NR2C2: variants seen among roughly 807,000 people sequenced by gnomAD.
NR2C2 encodes the protein Nuclear hormone receptor TR4.
NR2C2 carries 6 observed loss-of-function variants against 62.9 expected under a neutral mutation model. The ratio of observed to expected loss-of-function variants is 0.10; its 90% CI spans 0.05 to 0.19. NR2C2 has a LOEUF of 0.19. Among genes scored for constraint, NR2C2 ranks in the 10% least tolerant of loss-of-function variants. The probability of loss-of-function intolerance (pLI) is 1.00; values close to 1 mark genes in which losing one functional copy is unlikely to be tolerated. For synonymous variants in NR2C2, 272 were observed against 273.8 expected, an observed-to-expected ratio of 0.99 and a Z score of 0.07; for missense variants, 479 against 762.7, an observed-to-expected ratio of 0.63 and a Z score of 4.38.
Position 14,963,736 on chromosome 3 carries a change from G to A in NR2C2, c.-40+15830G>A, listed in dbSNP as rs2840081. 8.9e-4 allele frequency among the ~76,000 whole-genome samples: 136 copies of A among 152,090 alleles called. 2 individuals carry two copies. The highest frequency in any genetic ancestry group is 3.1e-3 in the African/African-American group (130 of 41,462). On this transcript the variant is annotated intron_variant, in intron 1 of 13. Coordinates refer to ENST00000425241, the MANE Select transcript of NR2C2 (RefSeq NM_001291694.2). ...CCGCCTGCCTCTGCCTCCCAAAGTC[G>A]CATTTTTTAATAATGCTCATATATC... is the stretch of plus-strand genomic sequence containing the variant.
At position 15,024,031 on chromosome 3, in the gene NR2C2, T is replaced by C. The variant is rs2041752075; in HGVS notation, c.705-84T>C. The C allele has an allele frequency of 2.5e-5, 24 of 964,610 alleles. 1 individual carries two copies. In the South Asian group the frequency reaches 3.2e-4, roughly 13 times the overall value. The allele number at this position is 964,610 out of a possible 1,614,324, so 59.8% of individuals were successfully genotyped here. On this transcript the variant is annotated intron_variant, in intron 6 of 13. Transcript: ENST00000425241. ...TCTACTATTCAGACAGCTTCACAAATGTGGAAGGACAGGTAAATGCAGCAT... is the reference window on the plus strand; with the variant it reads ...TCTACTATTCAGACAGCTTCACAAACGTGGAAGGACAGGTAAATGCAGCAT...
chr3:15,024,319 A>G, intron 7 of NR2C2, 111 bp downstream of exon 7: 1 of 695,728 alleles, frequency 1.4e-6, no homozygotes, highest in Non-Finnish European at 2.5e-6. Context: ...CATCAAAAGC[A>G]TGACCTATGT....
chr3:14,972,894 T>G (rs978414801), intron 1 of NR2C2, among the ~76,000 whole-genome samples: 4 of 152,124 alleles, frequency 2.6e-5, no homozygotes, highest in African/African-American at 9.7e-5. Flanking sequence ...CTCACTATCA[T>G]GAGAACAGCA....
intron 1 of NR2C2, among the ~76,000 whole-genome samples, chr3:14,967,239 T>A (rs1259079302): frequency 1.3e-5 from 2 of 152,070 alleles, no homozygotes; most frequent in Non-Finnish European, 2.9e-5. Flanking sequence ...AATTTGAGTC[T>A]GCCCTCTTCT....
intron 8 of NR2C2, 94 bp downstream of exon 8, chr3:15,028,813 A>G (rs2041892791): frequency 1.5e-5 from 20 of 1,328,674 alleles, no homozygotes; most frequent in African/African-American, 2.9e-5. Flanking sequence ...CCTGTGCTGT[A>G]TTTAACTAAG....
At chr3:14,953,609 C>T (rs9820749) in intron 1 of NR2C2, among the ~76,000 whole-genome samples, 9,075 of 152,102 alleles carry the variant, frequency 0.06, 943 homozygotes, top group African/African-American at 0.21. Context: ...GAAAGATTCA[C>T]GTATGGCCAG....
In NR2C2 at chr3:15,032,376, C is replaced by T. The variant is rs759055133; in HGVS notation, c.1111-3C>T. 7 of 1,614,204 alleles carry T rather than the reference C, an allele frequency of 4.3e-6. No homozygotes were observed. The South Asian group carries it at 7.7e-5, about 18-fold the overall frequency. ...CCTGTGCCATGTGCCTCCTCTTTTC[C>T]AGCTAACAATGCCCAGTCCAATGCC... On this transcript the variant is annotated splice_polypyrimidine_tract_variant and splice_region_variant and intron_variant, in intron 9 of 13. Transcript: ENST00000425241.
intron 1 of NR2C2, among the ~76,000 whole-genome samples, chr3:14,981,163 C>A (rs2040355890): frequency 6.6e-6 from 1 of 152,126 alleles, no homozygotes; most frequent in African/African-American, 2.4e-5. Flanking sequence ...ATATATCATC[C>A]TATTTAGTCT....
At chr3:15,006,794 T>A (rs895868459) in intron 2 of NR2C2, among the ~76,000 whole-genome samples, 4 of 150,988 alleles carry the variant, frequency 2.6e-5, no homozygotes, top group South Asian at 2.1e-4. Context: ...TTTTTTTTTT[T>A]AAAGGCATTT....
At position 14,980,835 on chromosome 3, in the gene NR2C2, T is replaced by C. The variant is rs543336619; in HGVS notation, c.-39-23041T>C. ...AGAGGGGAACCATGCAATGAGCATT[T>C]TCAAGACAGCACACGGCCAGACTGA... On this transcript the variant is annotated intron_variant, in intron 1 of 13. Transcript: ENST00000425241. Among the ~76,000 whole-genome samples the C allele has an allele frequency of 2.0e-5, 3 of 152,300 alleles. No homozygotes were observed. In the South Asian group the frequency reaches 6.2e-4, roughly 32 times the overall value.
Position 14,969,682 on chromosome 3 carries a change from A to G in NR2C2, c.-40+21776A>G, listed in dbSNP as rs141986094. Among the ~76,000 whole-genome samples, 516 of 152,370 alleles carry G rather than the reference A, an allele frequency of 3.4e-3. 2 individuals carry two copies. Among genetic ancestry groups the G allele is most frequent in the Non-Finnish European group, 5.6e-3 (379 of 68,036 alleles). On this transcript the variant is annotated intron_variant, in intron 1 of 13. Transcript: ENST00000425241. Reference sequence around the variant, plus strand: ...TATAAGTTGCATGTATGTTTATGCAATAGAAATGAAGTGGCTTTACAACCC... The same window carrying G: ...TATAAGTTGCATGTATGTTTATGCAGTAGAAATGAAGTGGCTTTACAACCC...
chr3:14,951,808 T>C (rs1186338084), intron 1 of NR2C2, among the ~76,000 whole-genome samples: 5 of 151,990 alleles, frequency 3.3e-5, no homozygotes, highest in African/African-American at 7.3e-5. Flanking sequence ...AGTGCAGTGG[T>C]GCGATCTCGG....
At chr3:14,960,512 A>G (rs996291885) in intron 1 of NR2C2, among the ~76,000 whole-genome samples, 1 of 152,170 alleles carries the variant, frequency 6.6e-6, no homozygotes, top group Admixed American at 6.5e-5. Context: ...ATCCACTTTT[A>G]CTCATAATTT....
At chr3:14,974,810 G>A (rs776419270) in intron 1 of NR2C2, among the ~76,000 whole-genome samples, 63 of 151,970 alleles carry the variant, frequency 4.1e-4, no homozygotes, top group Middle Eastern at 3.2e-3. Context: ...CACCATGTTG[G>A]CCAGGCTGGT....
intron 3 of NR2C2, among the ~76,000 whole-genome samples, chr3:15,014,739 A>T (rs1575006566): frequency 6.6e-6 from 1 of 152,168 alleles, no homozygotes; most frequent in Admixed American, 6.5e-5. Context: ...AAGTGAAATC[A>T]GCCTTTGTGT....
At chr3:15,020,246 T>C (rs1413129791) in intron 4 of NR2C2, among the ~76,000 whole-genome samples, 1 of 151,954 alleles carries the variant, frequency 6.6e-6, no homozygotes, top group Non-Finnish European at 1.5e-5. Context: ...CCAGGGGAGG[T>C]TTCGGGCCCA....
intron 1 of NR2C2, among the ~76,000 whole-genome samples, chr3:14,962,915 T>C (rs1185493890): frequency 2.0e-5 from 3 of 152,146 alleles, no homozygotes; most frequent in Non-Finnish European, 4.4e-5. Context: ...AGTGCTGAGT[T>C]ATATGGGGGT....
intron 7 of NR2C2, among the ~76,000 whole-genome samples, chr3:15,027,484 G>A (rs1024539523): frequency 3.3e-5 from 5 of 152,224 alleles, no homozygotes; most frequent in Non-Finnish European, 7.3e-5. Flanking sequence ...ATGTGAAGTG[G>A]TATGTCATTG....
chr3:14,991,832 T>C (rs768987356), intron 1 of NR2C2, among the ~76,000 whole-genome samples: 1 of 149,156 alleles, frequency 6.7e-6, no homozygotes, highest in Non-Finnish European at 1.5e-5. Context: ...GGTGCCATCA[T>C]AGCTTACTGT....
Sources: allele counts gnomAD v4.1 joint callset (sites outside exome capture counted in the v4.1 genomes callset), GRCh38; gene constraint gnomAD v4.1.1; transcripts MANE v1.5; gene names NCBI Gene and HGNC (gene_info 2026-07-23, HGNC 2026-07-21).